The following FLI1 variants were observed in gnomAD, a reference collection of about 807,000 sequenced individuals.
The protein encoded by FLI1 is Friend leukemia integration 1 transcription factor.
FLI1 carries 13 observed loss-of-function variants against 53.1 expected under a neutral mutation model. That is an observed-to-expected ratio of 0.24 (90% CI 0.16 to 0.39). The LOEUF is 0.39. Ranked by LOEUF, FLI1 falls within the 10% of genes least tolerant of loss-of-function variation. FLI1 has a pLI of 1.00. For missense variants in FLI1, 424 were observed against 600.5 expected (o/e 0.71, Z 3.07); for synonymous variants, 244 against 236.7 (o/e 1.03, Z -0.28).
At position 128,811,149 on chromosome 11, in the gene FLI1, T is replaced by A. The variant is rs1193834612; in HGVS notation, c.*161T>A. The A allele has an allele frequency of 4.4e-6, 3 of 681,654 alleles. No homozygotes were observed. Among genetic ancestry groups the A allele is most frequent in the South Asian group, 2.0e-5 (1 of 50,880 alleles). The allele number at this position is 681,654 out of a possible 1,614,324, so 42.2% of individuals were successfully genotyped here. A position where few individuals can be genotyped will look rare whatever the true frequency, so the allele number is the denominator to read the frequency against. ...ATTTGTTCTTTAAAAACATTTTTTT[T>A]AATGTTGGTAACTTTTGCTTCCTCT... On this transcript the variant is annotated 3_prime_UTR_variant, in exon 9 of 9. Transcript: ENST00000527786.
intron 5 of FLI1, among the ~76,000 whole-genome samples, chr11:128,795,605 G>T (rs1176516178): frequency 4.8e-5 from 7 of 145,708 alleles, no homozygotes; most frequent in African/African-American, 1.8e-4. Context: ...TCTCGCCCAG[G>T]CTGGAGTTCA....
At chr11:128,723,396 G>A (rs1591754610) in intron 1 of FLI1, among the ~76,000 whole-genome samples, 1 of 152,164 alleles carries the variant, frequency 6.6e-6, no homozygotes, top group East Asian at 1.9e-4. Flanking sequence ...ACGTCTCCAG[G>A]TGATGAGTCA....
intron 1 of FLI1, among the ~76,000 whole-genome samples, chr11:128,756,678 T>C (rs1356607189): frequency 6.6e-6 from 1 of 152,248 alleles, no homozygotes; most frequent in Non-Finnish European, 1.5e-5. Context: ...TTATAGATTA[T>C]ATAATTATTG....
At chr11:128,741,169 G>A (rs1020503471) in intron 1 of FLI1, among the ~76,000 whole-genome samples, 5 of 152,134 alleles carry the variant, frequency 3.3e-5, no homozygotes, top group Non-Finnish European at 7.4e-5. Flanking sequence ...TGAGGCGGGC[G>A]GATCACTTGA....
At chr11:128,726,845 G>A (rs528947550) in intron 1 of FLI1, among the ~76,000 whole-genome samples, 249 of 152,230 alleles carry the variant, frequency 1.6e-3, no homozygotes, top group African/African-American at 5.5e-3. Context: ...CAAAGTTAGT[G>A]AAGTGATCAA....
intron 2 of FLI1, chr11:128,764,714 G>C (rs376985772): frequency 7.7e-6 from 12 of 1,556,780 alleles, no homozygotes; most frequent in Non-Finnish European, 1.0e-5. Flanking sequence ...CACCCTGAGC[G>C]GCAGCCGTGG....
At chr11:128,807,487 A>G (rs551934749) in intron 7 of FLI1, among the ~76,000 whole-genome samples, 4 of 152,358 alleles carry the variant, frequency 2.6e-5, no homozygotes, top group African/African-American at 9.6e-5. Flanking sequence ...ATTTTGTTCA[A>G]TAAAGAAACT....
chr11:128,702,194 C>T (rs1938360268), intron 1 of FLI1, among the ~76,000 whole-genome samples: 1 of 152,182 alleles, frequency 6.6e-6, no homozygotes, highest in African/African-American at 2.4e-5. Context: ...TATTCATTCA[C>T]CCAAATGTTG....
chr11:128,694,644 G>A (rs1243609759), intron 1 of FLI1, among the ~76,000 whole-genome samples: 1 of 24 alleles, frequency 0.042, no homozygotes, highest in African/African-American at 0.12. Context: ...CGACACCCGG[G>A]GCTCCCGTGG....
chr11:128,714,227 C>G (rs1028399278), intron 1 of FLI1, among the ~76,000 whole-genome samples: 1 of 126,362 alleles, frequency 7.9e-6, no homozygotes, highest in Non-Finnish European at 1.7e-5. Flanking sequence ...AAAAAAAAAA[C>G]GGCAACTCTT....
At chr11:128,753,178 G>A (rs1005530018) in intron 1 of FLI1, among the ~76,000 whole-genome samples, 4 of 152,180 alleles carry the variant, frequency 2.6e-5, no homozygotes, top group Admixed American at 6.5e-5. Context: ...TTCTGCAAAG[G>A]AAAGTGCTTC....
intron 5 of FLI1, among the ~76,000 whole-genome samples, chr11:128,802,047 G>A (rs1441181192): frequency 6.6e-6 from 1 of 152,168 alleles, no homozygotes; most frequent in African/African-American, 2.4e-5. Context: ...AATATTTTTG[G>A]TCTGTGACAC....
At chr11:128,701,533 C>A (rs191141652) in intron 1 of FLI1, among the ~76,000 whole-genome samples, 2 of 152,262 alleles carry the variant, frequency 1.3e-5, no homozygotes, top group East Asian at 3.9e-4. Context: ...TCAGATAATT[C>A]AGATCAACTT....
chr11:128,704,185 T>C (rs1938461020), intron 1 of FLI1, among the ~76,000 whole-genome samples: 1 of 152,170 alleles, frequency 6.6e-6, no homozygotes, highest in Non-Finnish European at 1.5e-5. Context: ...CTTTAAAACA[T>C]TTCTTATTTG....
intron 1 of FLI1, among the ~76,000 whole-genome samples, chr11:128,754,795 C>T (rs1301431034): frequency 6.6e-6 from 1 of 152,212 alleles, no homozygotes; most frequent in African/African-American, 2.4e-5. Context: ...GGAAGAGTCT[C>T]AGAGAGAAAT....
chr11:128,771,639 T>A (rs1044786875), intron 3 of FLI1, among the ~76,000 whole-genome samples: 7 of 152,212 alleles, frequency 4.6e-5, no homozygotes, highest in African/African-American at 1.7e-4. Flanking sequence ...CTAATAAATA[T>A]GTTAAATCAA....
chr11:128,726,937 G>T lies in FLI1; in HGVS notation c.19-31178G>T, dbSNP rs10893913. ...GGGAGGGACAACGGCTGGGGCAGAG[G>T]GGGGAAGAGGAAGTGTGTTCTGCAG... On this transcript the variant is annotated intron_variant, in intron 1 of 8. Transcript: ENST00000527786. 4.2e-4 allele frequency among the ~76,000 whole-genome samples: 64 copies of T among 152,054 alleles called. 1 individual carries two copies. In the South Asian group the frequency reaches 0.013, roughly 30 times the overall value.
At position 128,729,554 on chromosome 11, in the gene FLI1, G is replaced by A. The variant is rs558416679; in HGVS notation, c.19-28561G>A. 6.6e-5 allele frequency among the ~76,000 whole-genome samples: 10 copies of A among 152,306 alleles called. No individual in the cohort carries two copies. In the East Asian group the frequency reaches 7.7e-4, roughly 12 times the overall value. ...GTATGTGAGGCATATGGCACTGCCC[G>A]GGGGAAACACGAGTGCACCAAGCAG... On this transcript the variant is annotated intron_variant, in intron 1 of 8. Coordinates refer to ENST00000527786, the MANE Select transcript of FLI1 (RefSeq NM_002017.5).
At chr11:128,768,057 G>A (rs1941411122) in intron 2 of FLI1, 61 bp from the exon 3 acceptor site, 2 of 1,475,786 alleles carry the variant, frequency 1.4e-6, no homozygotes, top group South Asian at 1.3e-5. Flanking sequence ...TGATTCAGAG[G>A]CTGAGGCAAG....
Sources: gnomAD v4.1 joint callset for allele counts (sites outside exome capture counted in the v4.1 genomes callset) on GRCh38, gnomAD v4.1.1 for gene constraint, MANE v1.5 for transcripts, NCBI Gene and HGNC (gene_info 2026-07-23, HGNC 2026-07-21) for gene names.